The following FAM149A variants were observed in gnomAD, a reference collection of about 807,000 sequenced individuals.
FAM149A encodes family with sequence similarity 149 member A.
In FAM149A, 71 loss-of-function variants were observed where a neutral mutation model predicts 78.2. That is an observed-to-expected ratio of 0.91 (90% CI 0.75 to 1.11). FAM149A has a LOEUF of 1.11. FAM149A is among the 50% of genes least tolerant of loss of function. The pLI is 0.00. For synonymous variants in FAM149A, 446 were observed against 410.5 expected, an observed-to-expected ratio of 1.09 and a Z score of -1.04; for missense variants, 1,036 against 971.0, an observed-to-expected ratio of 1.07 and a Z score of -0.89.
chr4:186,153,212 T>C lies in FAM149A; in HGVS notation c.933-433T>C, dbSNP rs952598484. The C allele has an allele frequency of 7.0e-5, 68 of 967,838 alleles. No individual in the cohort carries two copies. The African/African-American group carries it at 1.1e-3, about 16-fold the overall frequency. The allele number at this position is 967,838 out of a possible 1,614,324, so 60.0% of individuals were successfully genotyped here. On this transcript the variant is annotated intron_variant, in intron 4 of 13. Coordinates refer to ENST00000389354, the MANE Select transcript of FAM149A (RefSeq NM_001367768.3). ...GAAATGGAGGGAAGGTGGGAAAAGA[T>C]TGTCAGGTACATAAGCCAAGTGTGC...
Position 186,163,452 on chromosome 4 carries a change from G to A in FAM149A, c.1708G>A (p.Gly570Arg). The change falls in exon 10 of 14, where the codon GGA becomes AGA. Residue 570 changes from glycine (G) to arginine (R), a missense_variant. Physicochemically the swap from Gly to Arg is moderately radical, Grantham distance 125. This residue lies in a region of FAM149A where 716 missense variants were observed against 711.8 expected (regional missense o/e 1.01). Coordinates refer to ENST00000389354, the MANE Select transcript of FAM149A (RefSeq NM_001367768.3). ...TGAGAAGGAGGACAAAGCATCGGGT[G>A]GAGGGGCAGGTGCTCTCTCCTCCGC... is the stretch of plus-strand genomic sequence containing the variant. 1 of 1,613,878 alleles carries A rather than the reference G, an allele frequency of 6.2e-7. No individual in the cohort carries two copies. Among genetic ancestry groups the A allele is most frequent in the Non-Finnish European group, 8.5e-7 (1 of 1,179,978 alleles).
intron 8 of FAM149A, chr4:186,158,167 T>A: frequency 1.6e-6 from 2 of 1,282,460 alleles, no homozygotes; most frequent in Non-Finnish European, 2.0e-6. Context: ...TGAAGCTCAC[T>A]GCTGCCACCA....
At chr4:186,133,644 T>C (rs1395215347) in intron 1 of FAM149A, among the ~76,000 whole-genome samples, 1 of 152,196 alleles carries the variant, frequency 6.6e-6, no homozygotes, top group Non-Finnish European at 1.5e-5. Flanking sequence ...TCTTCAGCTG[T>C]GTGAACAATG....
chr4:186,167,604 ACT>A (rs1385436805), intron 13 of FAM149A: 70 of 309,894 alleles, frequency 2.3e-4, no homozygotes, highest in African/African-American at 1.4e-3. Context: ...GTGAAACTCT[ACT>A]CTCAGATTCT....
chr4:186,157,422 G>A (rs1734125552), intron 7 of FAM149A, 143 bp from the exon 8 acceptor site: 2 of 787,718 alleles, frequency 2.5e-6, no homozygotes, highest in Non-Finnish European at 4.0e-6. Context: ...AGGGGTCTCT[G>A]CCCTCCGTGG....
intron 1 of FAM149A, chr4:186,124,320 T>A (rs560567941): frequency 1.5e-5 from 7 of 460,640 alleles, no homozygotes; most frequent in Non-Finnish European, 1.7e-5. Context: ...CGTGCAGCTT[T>A]GTTACATATG....
At chr4:186,143,125 AAAT>A (rs1732647799) in intron 1 of FAM149A, among the ~76,000 whole-genome samples, 3 of 149,612 alleles carry the variant, frequency 2.0e-5, no homozygotes, top group African/African-American at 7.4e-5. Context: ...TTTGGATCTT[AAAT>A]GACTTTGTGT....
intron 9 of FAM149A, 32 bp downstream of exon 9, chr4:186,162,980 C>A: frequency 8.1e-7 from 1 of 1,239,390 alleles, no homozygotes; most frequent in Non-Finnish European, 1.2e-6. Context: ...AGTTACCCAG[C>A]CTCTTCCCTG....
chr4:186,110,726 A>G (rs1166818039), intron 1 of FAM149A, among the ~76,000 whole-genome samples: 15 of 140,664 alleles, frequency 1.1e-4, no homozygotes, highest in African/African-American at 3.2e-4. Context: ...ACATGAACTC[A>G]TCATTTTTTA....
At chr4:186,137,408 CAT>C (rs1178561058) in intron 1 of FAM149A, among the ~76,000 whole-genome samples, 2 of 152,096 alleles carry the variant, frequency 1.3e-5, no homozygotes, top group Non-Finnish European at 2.9e-5. Context: ...ACATTCATAT[CAT>C]GTGCATGGTA....
intron 6 of FAM149A, among the ~76,000 whole-genome samples, chr4:186,155,239 T>C (rs973108709): frequency 6.6e-6 from 1 of 152,234 alleles, no homozygotes; most frequent in Non-Finnish European, 1.5e-5. Flanking sequence ...GTGCTGGGAT[T>C]ACAGGCGTGA....
chr4:186,132,985 T>TG, intron 1 of FAM149A: 2 of 985,388 alleles, frequency 2.0e-6, no homozygotes, highest in Non-Finnish European at 2.4e-6. Flanking sequence ...ACATTGACGC[T>TG]GTGCTCTGAG....
chr4:186,159,511 CAG>C (rs1368256825), intron 8 of FAM149A, among the ~76,000 whole-genome samples: 2 of 152,002 alleles, frequency 1.3e-5, no homozygotes, highest in African/African-American at 2.4e-5. Flanking sequence ...GTGGCAAGAA[CAG>C]GGGATTAGGA....
Position 186,153,024 on chromosome 4 carries a change from GT to G in FAM149A, c.933-610del, listed in dbSNP as rs113859779. Among the ~76,000 whole-genome samples, 243 of 145,936 alleles carry G rather than the reference GT, an allele frequency of 1.7e-3. 2 individuals are homozygous for G. Among genetic ancestry groups the G allele is most frequent in the African/African-American group, 5.0e-3 (198 of 39,962 alleles). ...ACAGAAATCTTGACCAACTAGGGTT[GT>G]TTTTTTTTTTCTTTTCAACCCTTAA... is the stretch of plus-strand genomic sequence containing the variant. On this transcript the variant is annotated intron_variant, in intron 4 of 13. Coordinates refer to ENST00000389354, the MANE Select transcript of FAM149A (RefSeq NM_001367768.3).
intron 3 of FAM149A, chr4:186,150,812 A>G (rs1476601498): frequency 6.7e-6 from 1 of 149,046 alleles, no homozygotes; most frequent in Non-Finnish European, 1.5e-5. Context: ...ACCTCCGCCT[A>G]CCAGGTTCAA....
chr4:186,107,024 T>G (rs2099309052), intron 1 of FAM149A, among the ~76,000 whole-genome samples: 1 of 152,218 alleles, frequency 6.6e-6, no homozygotes, highest in Admixed American at 6.5e-5. Context: ...AAATACTATA[T>G]TATGACATAT....
chr4:186,147,922 A>G (rs1198570017), intron 1 of FAM149A, among the ~76,000 whole-genome samples: 1 of 152,222 alleles, frequency 6.6e-6, no homozygotes, highest in Non-Finnish European at 1.5e-5. Context: ...CCTAAGCAAC[A>G]AAGAGAATAA....
At chr4:186,134,114 C>T (rs889445469) in intron 1 of FAM149A, among the ~76,000 whole-genome samples, 15 of 152,202 alleles carry the variant, frequency 9.9e-5, no homozygotes, top group African/African-American at 3.6e-4. Context: ...ATTCCCATTC[C>T]TCTACATCTT....
intron 1 of FAM149A, among the ~76,000 whole-genome samples, chr4:186,141,919 C>G (rs936796177): frequency 6.6e-5 from 10 of 152,138 alleles, no homozygotes; most frequent in African/African-American, 2.4e-4. Flanking sequence ...TGATAAAATT[C>G]AAAGAAACCC....
Sources: allele counts gnomAD v4.1 joint callset (sites outside exome capture counted in the v4.1 genomes callset), GRCh38; gene constraint gnomAD v4.1.1; regional missense constraint gnomAD v4.1.1; transcripts MANE v1.5; gene names NCBI Gene and HGNC (gene_info 2026-07-23, HGNC 2026-07-21).